TXLNB: variants seen among roughly 807,000 people sequenced by gnomAD.
TXLNB encodes taxilin beta.
A neutral mutation model predicts 57.4 loss-of-function variants in TXLNB; 37 were observed. That is an observed-to-expected ratio of 0.64 (90% CI 0.50 to 0.85). The LOEUF (loss-of-function observed/expected upper bound fraction) is 0.85. Among genes scored for constraint, TXLNB ranks in the 40% least tolerant of loss-of-function variants. The probability of loss-of-function intolerance (pLI) is 0.00; values close to 1 mark genes in which losing one functional copy is unlikely to be tolerated. For synonymous variants in TXLNB, 302 were observed against 309.6 expected, an observed-to-expected ratio of 0.98 and a Z score of 0.26; for missense variants, 848 against 825.6, an observed-to-expected ratio of 1.03 and a Z score of -0.33.
At chr6:139,166,836 C>T in the TXLNB span, 6 of 1,613,756 alleles carry the variant, frequency 3.7e-6, no homozygotes, top group African/African-American at 1.3e-5. Flanking sequence ...TCCCCACCCA[C>T]GGGCTACTCC....
upstream of TXLNB, among the ~76,000 whole-genome samples, chr6:139,295,564 G>A (rs950284005): frequency 6.7e-6 from 1 of 149,570 alleles, no homozygotes; most frequent in African/African-American, 2.5e-5. Context: ...ACATAAAACT[G>A]TTGTAGATAT....
intron 2 of TXLNB, among the ~76,000 whole-genome samples, chr6:139,278,821 T>C (rs552052332): frequency 6.3e-4 from 96 of 152,306 alleles, no homozygotes; most frequent in Admixed American, 1.4e-3. Context: ...CTGGCCAACA[T>C]GGTGAAACCC....
At chr6:139,171,360 A>G in the TXLNB span, among the ~76,000 whole-genome samples, 2 of 152,228 alleles carry the variant, frequency 1.3e-5, no homozygotes, top group African/African-American at 2.4e-5. Flanking sequence ...ACATCAAAAC[A>G]TAGACATACA....
chr6:139,248,011 TTTAA>T, intron 7 of TXLNB, 102 bp from the exon 8 acceptor site: 3 of 581,602 alleles, frequency 5.2e-6, no homozygotes, highest in Non-Finnish European at 8.6e-6. Flanking sequence ...TAGTAATATG[TTTAA>T]TTATTTTATT....
At chr6:139,225,263 A>C in the TXLNB span, among the ~76,000 whole-genome samples, 1 of 152,210 alleles carries the variant, frequency 6.6e-6, no homozygotes, top group Non-Finnish European at 1.5e-5. Context: ...CCTTGAGATC[A>C]GGAATAAGCT....
chr6:139,287,309 T>C (rs1777200206), intron 2 of TXLNB: 1 of 152,300 alleles, frequency 6.6e-6, no homozygotes, highest in African/African-American at 2.4e-5. Flanking sequence ...TCTGAGAAAG[T>C]GGATTTGTCA....
chr6:139,232,394 G>A, the TXLNB span, among the ~76,000 whole-genome samples: 2 of 152,184 alleles, frequency 1.3e-5, no homozygotes, highest in Admixed American at 6.5e-5. Context: ...GATGAGATTT[G>A]GGTGGGGACA....
the TXLNB span, chr6:139,179,700 TA>T: frequency 1.3e-5 from 2 of 152,228 alleles, no homozygotes; most frequent in Admixed American, 1.3e-4. Context: ...TTTGGAAATC[TA>T]CTGACCTTAA....
rs544128161 is a variant in TXLNB at position 139,260,334 on chromosome 6, T to C, written c.986A>G (p.Lys329Arg). The change falls in exon 6 of 10, where the codon AAA (lysine) becomes AGA (arginine). Residue 329 changes from lysine to arginine, a missense_variant. By Grantham distance (26) the Lys-to-Arg change is conservative. Coordinates refer to ENST00000358430, the MANE Select transcript of TXLNB (RefSeq NM_153235.4). ...GATAAATACATATTCCTTTTCTCGT[T>C]TGTGTCGCTCCTCCGCTTCCTTCAT... ...EMMKEAEERH[K>R]REKEYLLNQA... 3 of 1,614,170 alleles carry C rather than the reference T, an allele frequency of 1.9e-6. No individual in the cohort carries two copies. The highest frequency in any genetic ancestry group is 4.5e-5 in the East Asian group (2 of 44,888).
At chr6:139,221,846 A>T in the TXLNB span, among the ~76,000 whole-genome samples, 1 of 152,222 alleles carries the variant, frequency 6.6e-6, no homozygotes, top group Non-Finnish European at 1.5e-5. Flanking sequence ...GATGGCGTTA[A>T]AATGTTCTAA....
At chr6:139,263,038 C>A (rs528271750) in intron 4 of TXLNB, among the ~76,000 whole-genome samples, 1 of 152,294 alleles carries the variant, frequency 6.6e-6, no homozygotes, top group East Asian at 1.9e-4. Flanking sequence ...GCGTCTCTTG[C>A]TGAGTGAATG....
chr6:139,162,654 A>ATC, the TXLNB span, among the ~76,000 whole-genome samples: 1 of 152,226 alleles, frequency 6.6e-6, no homozygotes, highest in African/African-American at 2.4e-5. Context: ...AGGCCCTGGA[A>ATC]TCCCACACCT....
At chr6:139,234,852 G>T in the TXLNB span, among the ~76,000 whole-genome samples, 1 of 152,200 alleles carries the variant, frequency 6.6e-6, no homozygotes, top group Non-Finnish European at 1.5e-5. Flanking sequence ...CACCATGTGC[G>T]TGGAAAAGCC....
chr6:139,279,282 TTC>T (rs1776983777), intron 2 of TXLNB, among the ~76,000 whole-genome samples: 1 of 152,166 alleles, frequency 6.6e-6, no homozygotes, highest in African/African-American at 2.4e-5. Context: ...GAGAAGAGGT[TTC>T]TTTTTGGTTT....
At chr6:139,273,890 C>T (rs1463718068) in intron 3 of TXLNB, among the ~76,000 whole-genome samples, 1 of 152,216 alleles carries the variant, frequency 6.6e-6, no homozygotes, top group East Asian at 1.9e-4. Context: ...GAAAAATACA[C>T]ATTCCCTGCC....
At chr6:139,267,021 A>G (rs1776633587) in intron 4 of TXLNB, among the ~76,000 whole-genome samples, 1 of 151,468 alleles carries the variant, frequency 6.6e-6, no homozygotes, top group South Asian at 2.1e-4. Flanking sequence ...TCTATATCCA[A>G]TGAATTTAGC....
At chr6:139,168,012 A>G in the TXLNB span, among the ~76,000 whole-genome samples, 12 of 152,332 alleles carry the variant, frequency 7.9e-5, no homozygotes, top group Non-Finnish European at 1.3e-4. Context: ...CACATATAAC[A>G]TGTTTACACT....
At chr6:139,256,094 GAAAA>G (rs1776330010) in intron 6 of TXLNB, among the ~76,000 whole-genome samples, 1 of 151,848 alleles carries the variant, frequency 6.6e-6, no homozygotes, top group Admixed American at 6.6e-5. Context: ...AAAAAATAAA[GAAAA>G]AGAAAGCTAA....
chr6:139,173,117 C>T, the TXLNB span, among the ~76,000 whole-genome samples: 4 of 152,172 alleles, frequency 2.6e-5, no homozygotes, highest in African/African-American at 7.2e-5. Flanking sequence ...TAACATGCCC[C>T]GAGGCCAGAG....
Sources: allele counts gnomAD v4.1 joint callset (sites outside exome capture counted in the v4.1 genomes callset), GRCh38; gene constraint gnomAD v4.1.1; transcripts MANE v1.5; gene names NCBI Gene and HGNC (gene_info 2026-07-23, HGNC 2026-07-21).